CDH18: variants seen among roughly 807,000 people sequenced by gnomAD.
CDH18 encodes cadherin 18.
CDH18 carries 31 observed loss-of-function variants against 67.9 expected under a neutral mutation model. The ratio of observed to expected loss-of-function variants is 0.46; its 90% CI spans 0.34 to 0.62. The LOEUF (loss-of-function observed/expected upper bound fraction) is 0.62, where lower values mean the gene tolerates loss of function less well. CDH18 is among the 20% of genes least tolerant of loss of function. CDH18 has a pLI of 0.01. For synonymous variants in CDH18, 362 were observed against 347.2 expected, an observed-to-expected ratio of 1.04 and a Z score of -0.48; for missense variants, 890 against 975.5, an observed-to-expected ratio of 0.91 and a Z score of 1.17.
At chr5:19,558,774 G>GA (rs1255599881) in intron 8 of CDH18, among the ~76,000 whole-genome samples, 1 of 151,714 alleles carries the variant, frequency 6.6e-6, no homozygotes, top group Non-Finnish European at 1.5e-5. Flanking sequence ...CAGAGAAGGA[G>GA]AAAATCTTCC....
chr5:20,438,723 T>A (rs1749367315), intron 1 of CDH18, among the ~76,000 whole-genome samples: 2 of 151,422 alleles, frequency 1.3e-5, no homozygotes, highest in Non-Finnish European at 3.0e-5. Context: ...GGCTGCTACA[T>A]GTACCTTCTA....
Position 20,440,088 on chromosome 5 carries a change from C to T in CDH18, c.-580+135374G>A, listed in dbSNP as rs561101432. Among the ~76,000 whole-genome samples the T allele has an allele frequency of 2.6e-5, 4 of 151,766 alleles. No individual in the cohort carries two copies. In the East Asian group the frequency reaches 7.7e-4, roughly 29 times the overall value. ...CACACTATGAAAATGAGTAAATCAT[C>T]CATATGCAAGTTCTGGAATTCAAGT... On this transcript the variant is annotated intron_variant, in intron 1 of 14. Coordinates refer to the CDH18 transcript ENST00000507958.
At chr5:20,366,126 T>A (rs1027551034) in intron 1 of CDH18, among the ~76,000 whole-genome samples, 4 of 152,182 alleles carry the variant, frequency 2.6e-5, no homozygotes, top group African/African-American at 9.7e-5. Context: ...ACCTGATTGA[T>A]TATGTAAACT....
At chr5:19,495,796 A>C (rs1185449951) in intron 11 of CDH18, among the ~76,000 whole-genome samples, 2 of 151,808 alleles carry the variant, frequency 1.3e-5, no homozygotes, top group Non-Finnish European at 2.9e-5. Context: ...AAACTGCTGA[A>C]GTGAGATAAA....
intron 2 of CDH18, among the ~76,000 whole-genome samples, chr5:19,875,887 T>A (rs1000137552): frequency 3.0e-5 from 2 of 66,732 alleles, no homozygotes; most frequent in Non-Finnish European, 8.3e-5. Flanking sequence ...GTAATTTTTT[T>A]AATTGTAACT....
intron 2 of CDH18, among the ~76,000 whole-genome samples, chr5:20,190,344 C>G (rs1168492791): frequency 1.3e-5 from 2 of 152,146 alleles, no homozygotes; most frequent in Admixed American, 6.6e-5. Flanking sequence ...GGTTTTTACA[C>G]TGATGGCCAC....
chr5:20,477,351 C>T (rs916842737), intron 1 of CDH18, among the ~76,000 whole-genome samples: 1 of 152,080 alleles, frequency 6.6e-6, no homozygotes, highest in African/African-American at 2.4e-5. Context: ...AATAACAGTA[C>T]CTGGTTTTAA....
chr5:19,678,106 T>C (rs932572645), intron 5 of CDH18, among the ~76,000 whole-genome samples: 2 of 151,696 alleles, frequency 1.3e-5, no homozygotes, highest in Non-Finnish European at 2.9e-5. Context: ...GATCTAAAGA[T>C]AATAGTTGAC....
chr5:20,257,689 C>A (rs1224021922), intron 1 of CDH18, among the ~76,000 whole-genome samples: 1 of 152,082 alleles, frequency 6.6e-6, no homozygotes, highest in African/African-American at 2.4e-5. Context: ...CTGCATTGTA[C>A]ACATTTATTT....
intron 3 of CDH18, among the ~76,000 whole-genome samples, chr5:19,834,540 C>A (rs148492487): frequency 0.012 from 1,770 of 151,864 alleles, 28 homozygotes; most frequent in African/African-American, 0.041. Flanking sequence ...CTTCTCTGAT[C>A]TTAGTTATTT....
intron 2 of CDH18, among the ~76,000 whole-genome samples, chr5:19,885,399 G>C (rs564131386): frequency 6.6e-6 from 1 of 152,224 alleles, no homozygotes; most frequent in South Asian, 2.1e-4. Context: ...TGTCTAAAAA[G>C]GGACAGTAAA....
At chr5:20,210,798 T>C (rs2126377885) in intron 2 of CDH18, among the ~76,000 whole-genome samples, 1 of 152,178 alleles carries the variant, frequency 6.6e-6, no homozygotes, top group Admixed American at 6.6e-5. Context: ...ATAATTATTA[T>C]TACTACTAAG....
chr5:20,251,321 C>G (rs150525638), intron 2 of CDH18, among the ~76,000 whole-genome samples: 1 of 152,016 alleles, frequency 6.6e-6, no homozygotes, highest in African/African-American at 2.4e-5. Context: ...ACAAAACACA[C>G]CCACCCACTG....
At chr5:20,159,227 C>T (rs1198144673) in intron 2 of CDH18, among the ~76,000 whole-genome samples, 1 of 152,114 alleles carries the variant, frequency 6.6e-6, no homozygotes, top group Non-Finnish European at 1.5e-5. Context: ...ATTGGTAATG[C>T]ACACTAATGT....
chr5:19,521,674 A>G (rs563142843), intron 9 of CDH18, among the ~76,000 whole-genome samples: 1 of 148,316 alleles, frequency 6.7e-6, no homozygotes, highest in South Asian at 2.2e-4. Flanking sequence ...TATTCATGAT[A>G]GTAAGAAAAT....
At chr5:20,048,489 T>A (rs911976091) in intron 2 of CDH18, among the ~76,000 whole-genome samples, 2 of 151,772 alleles carry the variant, frequency 1.3e-5, no homozygotes, top group Non-Finnish European at 3.0e-5. Context: ...CTTATCACAT[T>A]GAGATTTCAA....
At position 20,383,034 on chromosome 5, in the gene CDH18, G is replaced by A. The variant is rs527759751; in HGVS notation, c.-579-127529C>T. 1.7e-4 allele frequency among the ~76,000 whole-genome samples: 26 copies of A among 151,996 alleles called. No homozygotes were observed. The South Asian group carries it at 4.1e-3, about 24-fold the overall frequency. On this transcript the variant is annotated intron_variant, in intron 1 of 14. Transcript: ENST00000507958. ...CCAAATTGTATTTGCCTTACCTGCC[G>A]CTTTTGACACAAACTATCTAAAAAT...
At chr5:19,756,533 GACGCCCA>G (rs1771626751) in intron 3 of CDH18, among the ~76,000 whole-genome samples, 1 of 152,182 alleles carries the variant, frequency 6.6e-6, no homozygotes, top group African/African-American at 2.4e-5. Flanking sequence ...AATACTAAGA[GACGCCCA>G]AATGGATCTC....
chr5:19,883,819 T>G (rs1412328599), intron 2 of CDH18, among the ~76,000 whole-genome samples: 1 of 152,124 alleles, frequency 6.6e-6, no homozygotes, highest in African/African-American at 2.4e-5. Flanking sequence ...GAGAGTTTAC[T>G]GAAGCAATGT....
Sources: gnomAD v4.1 joint callset for allele counts (sites outside exome capture counted in the v4.1 genomes callset) on GRCh38, gnomAD v4.1.1 for gene constraint, MANE v1.5 for transcripts, NCBI Gene and HGNC (gene_info 2026-07-23, HGNC 2026-07-21) for gene names.